LHX8: variants seen among roughly 807,000 people sequenced by gnomAD.
The protein encoded by LHX8 is LIM/homeobox protein Lhx8.
LHX8 carries 12 observed loss-of-function variants against 40.3 expected under a neutral mutation model. The observed-to-expected ratio is 0.30, with a 90% CI of 0.19 to 0.48. The LOEUF is 0.48. Among genes scored for constraint, LHX8 ranks in the 20% least tolerant of loss-of-function variants. The probability of loss-of-function intolerance (pLI) is 0.99; values close to 1 mark genes in which losing one functional copy is unlikely to be tolerated. For synonymous variants in LHX8, 179 were observed against 162.0 expected (o/e 1.10, Z -0.80); for missense variants, 344 against 433.7 (o/e 0.79, Z 1.84).
At chr1:75,137,079 G>T (rs751131187) in intron 2 of LHX8, 21 bp from the exon 3 acceptor site, 3 of 1,593,252 alleles carry the variant, frequency 1.9e-6, no homozygotes, top group Non-Finnish European at 2.6e-6. Flanking sequence ...AGAACCGCCT[G>T]CGCCTCGCGG....
At chr1:75,154,110 G>A (rs1212973579) in intron 7 of LHX8, among the ~76,000 whole-genome samples, 1 of 152,134 alleles carries the variant, frequency 6.6e-6, no homozygotes, top group Non-Finnish European at 1.5e-5. Flanking sequence ...ACTCTTGTTG[G>A]AGGTTTGCAA....
chr1:75,185,171 A>G, the LHX8 span, among the ~76,000 whole-genome samples: 1 of 152,066 alleles, frequency 6.6e-6, no homozygotes, highest in Non-Finnish European at 1.5e-5. Flanking sequence ...AAATTCTACC[A>G]TATGTACAAA....
chr1:75,194,086 A>G, the LHX8 span, among the ~76,000 whole-genome samples: 1 of 152,234 alleles, frequency 6.6e-6, no homozygotes, highest in Admixed American at 6.5e-5. Flanking sequence ...ATTCAAATTC[A>G]TATAGGCTGA....
intron 7 of LHX8, among the ~76,000 whole-genome samples, chr1:75,149,285 G>A (rs1244303385): frequency 6.6e-6 from 1 of 152,180 alleles, no homozygotes; most frequent in Non-Finnish European, 1.5e-5. Context: ...GGAAATAGTG[G>A]GAAATGAAAT....
At chr1:75,161,830 G>T (rs184803786), downstream of LHX8, among the ~76,000 whole-genome samples, 1 of 152,160 alleles carries the variant, frequency 6.6e-6, no homozygotes, top group East Asian at 1.9e-4. Context: ...ATTTCTTCAG[G>T]AGTGAAAAAA....
chr1:75,185,033 A>G, the LHX8 span, among the ~76,000 whole-genome samples: 8 of 151,994 alleles, frequency 5.3e-5, no homozygotes, highest in Admixed American at 5.2e-4. Context: ...GGACACATAC[A>G]CCCTCCCAAG....
At chr1:75,130,374 G>A, upstream of LHX8, 1 of 447,510 alleles carries the variant, frequency 2.2e-6, no homozygotes, top group Non-Finnish European at 4.1e-6. Flanking sequence ...AGAACCGCTT[G>A]AAACAACTGG....
the LHX8 span, among the ~76,000 whole-genome samples, chr1:75,186,205 A>G: frequency 4.6e-5 from 7 of 152,326 alleles, no homozygotes; most frequent in East Asian, 1.2e-3. Context: ...TAACATTCAT[A>G]TGGAACCCAG....
the LHX8 span, among the ~76,000 whole-genome samples, chr1:75,190,493 T>A: frequency 2.0e-5 from 3 of 152,002 alleles, no homozygotes; most frequent in East Asian, 5.8e-4. Context: ...CCACTGCTTA[T>A]TTTGTTTTCA....
chr1:75,129,363 C>T (rs1463741113), intron 1 of LHX8, among the ~76,000 whole-genome samples: 2 of 152,134 alleles, frequency 1.3e-5, no homozygotes, highest in Non-Finnish European at 2.9e-5. Flanking sequence ...TTACAAGAAC[C>T]AGTCTCCTGT....
At chr1:75,150,812 G>A (rs1176413907) in intron 7 of LHX8, among the ~76,000 whole-genome samples, 1 of 151,826 alleles carries the variant, frequency 6.6e-6, no homozygotes, top group Non-Finnish European at 1.5e-5. Flanking sequence ...GAGTAGCTGG[G>A]ATTACAGGTG....
chr1:75,199,345 T>G, the LHX8 span, among the ~76,000 whole-genome samples: 1 of 152,192 alleles, frequency 6.6e-6, no homozygotes, highest in African/African-American at 2.4e-5. Context: ...CACATTCATC[T>G]GCCTGGAAGA....
At chr1:75,184,281 C>T in the LHX8 span, among the ~76,000 whole-genome samples, 1 of 152,180 alleles carries the variant, frequency 6.6e-6, no homozygotes, top group Non-Finnish European at 1.5e-5. Context: ...TGATAGATCT[C>T]TACAGAATTC....
chr1:75,175,171 A>T, the LHX8 span, among the ~76,000 whole-genome samples: 1 of 152,170 alleles, frequency 6.6e-6, no homozygotes, highest in African/African-American at 2.4e-5. Context: ...GTAGTATTCC[A>T]TGGTATAGAT....
the LHX8 span, among the ~76,000 whole-genome samples, chr1:75,198,856 G>A: frequency 6.6e-6 from 1 of 152,144 alleles, no homozygotes; most frequent in African/African-American, 2.4e-5. Flanking sequence ...GGAAATGACA[G>A]GGAAGATCTG....
intron 3 of LHX8, 144 bp downstream of exon 3, chr1:75,137,405 T>C: frequency 1.3e-6 from 1 of 772,148 alleles, no homozygotes; most frequent in East Asian, 2.7e-5. Flanking sequence ...CAGCCCAGTT[T>C]AGGGCAACTC....
the LHX8 span, among the ~76,000 whole-genome samples, chr1:75,191,376 C>T: frequency 6.6e-6 from 1 of 152,160 alleles, no homozygotes; most frequent in Admixed American, 6.5e-5. Flanking sequence ...CCGCAGCCCC[C>T]ACTCTCTCCA....
At chr1:75,172,523 G>A in the LHX8 span, among the ~76,000 whole-genome samples, 2 of 152,106 alleles carry the variant, frequency 1.3e-5, no homozygotes, top group African/African-American at 4.8e-5. Flanking sequence ...AACCTTATGT[G>A]TTTCATTTTA....
chr1:75,171,672 G>A, the LHX8 span, among the ~76,000 whole-genome samples: 8 of 152,284 alleles, frequency 5.3e-5, no homozygotes, highest in Non-Finnish European at 1.0e-4. Flanking sequence ...CTACTGAACT[G>A]TTCCATGCTG....
Sources: gnomAD v4.1 joint callset for allele counts (sites outside exome capture counted in the v4.1 genomes callset) on GRCh38, gnomAD v4.1.1 for gene constraint, MANE v1.5 for transcripts, NCBI Gene and HGNC (gene_info 2026-07-23, HGNC 2026-07-21) for gene names.